The following IRAG2 variants were observed in gnomAD, a reference collection of about 807,000 sequenced individuals.
IRAG2 encodes inositol 1,4,5-triphosphate receptor associated 2.
Under a neutral mutation model 69.9 loss-of-function variants are expected in IRAG2, and 45 were observed. That is an observed-to-expected ratio of 0.64 (90% CI 0.51 to 0.83). The LOEUF is 0.83. Ranked by LOEUF, IRAG2 falls within the 40% of genes least tolerant of loss-of-function variation. The pLI, the probability that IRAG2 is intolerant of heterozygous loss-of-function variation, is 0.00. For synonymous variants in IRAG2, 193 were observed against 202.4 expected, an observed-to-expected ratio of 0.95 and a Z score of 0.40; for missense variants, 520 against 587.0, an observed-to-expected ratio of 0.89 and a Z score of 1.18.
In IRAG2 at chr12:25,089,724, T is replaced by C. The variant is rs1452310736; in HGVS notation, c.438-39T>C. ...ATGTTAACATGTTTTATTTTTCTGT[T>C]GGATTATGTTTAAATATGTTTTTTG... is the stretch of plus-strand genomic sequence containing the variant. On this transcript the variant is annotated intron_variant, in intron 12 of 21. Transcript: ENST00000556887. 1.9e-6 allele frequency: 3 copies of C among 1,611,386 alleles called. No individual in the cohort carries two copies. The South Asian group carries it at 3.3e-5, about 18-fold the overall frequency.
upstream of IRAG2, among the ~76,000 whole-genome samples, chr12:25,001,338 G>T (rs996616879): frequency 6.6e-6 from 1 of 152,092 alleles, no homozygotes; most frequent in Non-Finnish European, 1.5e-5. Flanking sequence ...CCAGCTACTT[G>T]AGAGGCTTAG....
At chr12:25,048,162 G>T (rs1028482938), upstream of IRAG2, among the ~76,000 whole-genome samples, 3 of 152,178 alleles carry the variant, frequency 2.0e-5, no homozygotes, top group Non-Finnish European at 2.9e-5. Flanking sequence ...CATTCTGGCT[G>T]GCATGAGGTG....
intron 6 of IRAG2, among the ~76,000 whole-genome samples, chr12:25,069,976 A>G (rs551649846): frequency 3.3e-5 from 5 of 152,300 alleles, no homozygotes; most frequent in Admixed American, 1.3e-4. Context: ...CACTGTCTCT[A>G]TCATTGAGAT....
chr12:25,010,842 T>C (rs1426368841), intron 2 of IRAG2, among the ~76,000 whole-genome samples: 2 of 152,220 alleles, frequency 1.3e-5, no homozygotes, highest in African/African-American at 2.4e-5. Context: ...TAACATAGTT[T>C]GGATGATTTT....
In IRAG2 at chr12:25,083,457, A is replaced by G. The variant is rs769375307; in HGVS notation, c.279A>G (p.Gln93=). The change falls in exon 10 of 22, where the codon CAA becomes CAG. Residue 93 remains glutamine, a synonymous_variant. Coordinates refer to ENST00000556887, the MANE Select transcript of IRAG2 (RefSeq NM_001366544.2). ...TSPAHDNIAF[Q]DSTSKDKTIL... is the part of the protein sequence containing the mutation. ...CAGCTCATGATAATATTGCATTCCA[A>G]GACTCTACGAGTAAGGATAAAACCA... The G allele has an allele frequency of 3.7e-6, 6 of 1,611,880 alleles. No individual in the cohort carries two copies. The highest frequency in any genetic ancestry group is 5.1e-6 in the Non-Finnish European group (6 of 1,178,120).
intron 4 of IRAG2, 25 bp from the exon 5 acceptor site, chr12:25,066,340 T>C: frequency 2.5e-6 from 1 of 400,982 alleles, no homozygotes; most frequent in Non-Finnish European, 4.4e-6. Flanking sequence ...GGTCTCTATT[T>C]TTATTTTTTT....
rs202102685 is a variant in IRAG2 at position 25,103,873 on chromosome 12, C to T, written c.970C>T (p.Pro324Ser). 2.6e-5 allele frequency: 42 copies of T among 1,613,068 alleles called. No homozygotes were observed. Among genetic ancestry groups the T allele is most frequent in the Non-Finnish European group, 3.6e-5 (42 of 1,179,402 alleles). ...ACGAAGAGTGACTATTGCCTCTTTA[C>T]CCAGAAATATTGGAAATGCAGGAAT... Reference protein sequence around the residue: ...SLRRVTIASLPRNIGNAGMVA... With the variant: ...SLRRVTIASLSRNIGNAGMVA... The change falls in exon 18 of 22, where the codon CCC (proline) becomes TCC (serine). Residue 324 changes from proline (P) to serine (S), a missense_variant. Transcript: ENST00000556887.
At chr12:25,105,546 GT>G (rs915400324) in intron 20 of IRAG2, among the ~76,000 whole-genome samples, 4 of 151,672 alleles carry the variant, frequency 2.6e-5, no homozygotes, top group African/African-American at 7.3e-5. Flanking sequence ...ATCTGTTTTG[GT>G]TTTTTTCTTT....
chr12:25,103,749 T>C, intron 17 of IRAG2, 88 bp from the exon 18 acceptor site: 1 of 925,578 alleles, frequency 1.1e-6, no homozygotes, highest in East Asian at 2.4e-5. Flanking sequence ...AGTACACGGA[T>C]ATGCATGTAC....
exon 2 of IRAG2, chr12:25,005,293 C>T: frequency 1.6e-6 from 2 of 1,231,390 alleles, no homozygotes; most frequent in East Asian, 3.2e-5. Context: ...ACAGCATCAA[C>T]AGGGCCTGTA....
At chr12:25,034,749 A>T (rs1282360404) in intron 13 of IRAG2, among the ~76,000 whole-genome samples, 3 of 152,220 alleles carry the variant, frequency 2.0e-5, no homozygotes, top group Non-Finnish European at 4.4e-5. Context: ...TGCCACCTTG[A>T]AAGGAGAGAA....
At chr12:25,004,789 A>G (rs112969692) in exon 1 of IRAG2, 314 of 1,232,034 alleles carry the variant, frequency 2.5e-4, no homozygotes, top group Non-Finnish European at 3.0e-4. Context: ...CAAGGATTTG[A>G]ATAACTATTG....
At chr12:25,012,143 CCTTTTTTTTTTT>C (rs1247145247) in intron 3 of IRAG2, among the ~76,000 whole-genome samples, 6 of 24,102 alleles carry the variant, frequency 2.5e-4, no homozygotes, top group Admixed American at 8.1e-4. Flanking sequence ...AAGCGAATTC[CCTTTTTTTTTTT>C]TTTTTTTTTT....
At chr12:25,057,240 A>G (rs886237124) in intron 1 of IRAG2, among the ~76,000 whole-genome samples, 2 of 145,302 alleles carry the variant, frequency 1.4e-5, no homozygotes, top group East Asian at 2.1e-4. Flanking sequence ...AGGTAGGTAG[A>G]CAGGTAGACA....
rs547475942 is a variant in IRAG2, at chr12:25,040,508, A to T, written c.2144+2371A>T. On this transcript the variant is annotated intron_variant, in intron 16 of 38. Transcript: ENST00000636465. ...GAGACAGAGCAAGACACTGCCTCTT[A>T]AAAAAAAAGAGAGAGAGAGAGAGAA... 7.3e-5 allele frequency among the ~76,000 whole-genome samples: 11 copies of T among 151,554 alleles called. No homozygotes were observed. In the East Asian group the frequency reaches 1.9e-3, roughly 27 times the overall value.
intron 3 of IRAG2, among the ~76,000 whole-genome samples, chr12:25,014,032 G>T (rs1444446677): frequency 2.7e-5 from 4 of 150,436 alleles, no homozygotes; most frequent in Admixed American, 2.0e-4. Flanking sequence ...CTGCCACCAT[G>T]CCCAGCTAAT....
In IRAG2 at chr12:25,092,618, A is replaced by T. The variant is rs2140184330; in HGVS notation, c.606+2421A>T. 3 of 151,894 alleles carry T rather than the reference A, an allele frequency of 2.0e-5. No individual in the cohort carries two copies. The South Asian group carries it at 6.3e-4, about 32-fold the overall frequency. 9.4% of individuals were successfully genotyped at this position (151,894 alleles called of 1,614,324 possible). On this transcript the variant is annotated intron_variant, in intron 14 of 21. Coordinates refer to ENST00000556887, the MANE Select transcript of IRAG2 (RefSeq NM_001366544.2). Reference sequence around the variant, plus strand: ...GTTTCAGAAGGTAACATAGTAGCATAAGAGTAATCTTTCTATAGGCATATT... The same window carrying T: ...GTTTCAGAAGGTAACATAGTAGCATTAGAGTAATCTTTCTATAGGCATATT...
At chr12:25,028,609 A>G (rs1187626219) in intron 9 of IRAG2, among the ~76,000 whole-genome samples, 1 of 152,172 alleles carries the variant, frequency 6.6e-6, no homozygotes, top group African/African-American at 2.4e-5. Context: ...TCTATATTTC[A>G]TACATATTTT....
chr12:25,099,815 C>T (rs1023002456), intron 15 of IRAG2, among the ~76,000 whole-genome samples: 6 of 151,660 alleles, frequency 4.0e-5, no homozygotes, highest in African/African-American at 9.7e-5. Flanking sequence ...GCCTGGCCAA[C>T]GTGGTAAAAC....
Sources: gnomAD v4.1 joint callset for allele counts (sites outside exome capture counted in the v4.1 genomes callset) on GRCh38, gnomAD v4.1.1 for gene constraint, MANE v1.5 for transcripts, NCBI Gene and HGNC (gene_info 2026-07-23, HGNC 2026-07-21) for gene names.